The following ZSCAN4 variants were observed in gnomAD, a reference collection of about 807,000 sequenced individuals.
ZSCAN4 encodes zinc finger and SCAN domain-containing protein 4.
In ZSCAN4, 18 loss-of-function variants were observed where a neutral mutation model predicts 18.3. That is an observed-to-expected ratio of 0.98 (90% CI 0.68 to 1.46). ZSCAN4 has a LOEUF of 1.46. Among genes scored for constraint, ZSCAN4 ranks in the 40% most tolerant of loss-of-function variants. The pLI is 0.00. For synonymous variants in ZSCAN4, 193 were observed against 180.3 expected (o/e 1.07, Z -0.57); for missense variants, 498 against 511.4 (o/e 0.97, Z 0.25).
chr19:57,655,606 T>A, the ZSCAN4 span, among the ~76,000 whole-genome samples: 2 of 152,286 alleles, frequency 1.3e-5, no homozygotes, highest in South Asian at 2.1e-4. Flanking sequence ...CTACAGGAAC[T>A]CATGAGTCAT....
chr19:57,656,815 C>A, the ZSCAN4 span, among the ~76,000 whole-genome samples: 601 of 151,746 alleles, frequency 4.0e-3, 3 homozygotes, highest in African/African-American at 0.014. Context: ...TGGCAAAACA[C>A]TGTTTCTACA....
chr19:57,678,830 C>CA lies in ZSCAN4; in HGVS notation c.1228dup (p.Thr410AsnfsTer10). On this transcript the variant is annotated frameshift_variant, in exon 5 of 5. Transcript: ENST00000318203. LOFTEE classifies it low-confidence loss of function (END_TRUNC). Reference sequence around the variant, plus strand: ...GTAAGACAAGCTACCGCCAGTCATCCACATACCACCGCCATATGAGGACTC... The same window carrying CA: ...GTAAGACAAGCTACCGCCAGTCATCCAACATACCACCGCCATATGAGGACTC... The CA allele has an allele frequency of 6.2e-7, 1 of 1,614,026 alleles. No homozygotes were observed. Among genetic ancestry groups the CA allele is most frequent in the Non-Finnish European group, 8.5e-7 (1 of 1,179,958 alleles).
chr19:57,666,495 T>G (rs1375080214), upstream of ZSCAN4, among the ~76,000 whole-genome samples: 1 of 152,078 alleles, frequency 6.6e-6, no homozygotes, highest in Non-Finnish European at 1.5e-5. Flanking sequence ...ATGTTGTTCC[T>G]TTTTTGAAGT....
chr19:57,657,514 C>T, the ZSCAN4 span, among the ~76,000 whole-genome samples: 1 of 152,214 alleles, frequency 6.6e-6, no homozygotes, highest in East Asian at 1.9e-4. Context: ...AGCTCTCATA[C>T]ATTGCTGGTG....
the ZSCAN4 span, among the ~76,000 whole-genome samples, chr19:57,652,946 G>C: frequency 2.0e-5 from 3 of 152,090 alleles, no homozygotes; most frequent in East Asian, 5.8e-4. Context: ...CAGGGGACAT[G>C]TCTGGACAGC....
At chr19:57,670,872 T>TTTA (rs1443285012) in intron 2 of ZSCAN4, among the ~76,000 whole-genome samples, 20 of 151,638 alleles carry the variant, frequency 1.3e-4, no homozygotes, top group Non-Finnish European at 2.9e-4. Flanking sequence ...GTAATTCTTT[T>TTTA]TTTTTTTTCG....
the ZSCAN4 span, among the ~76,000 whole-genome samples, chr19:57,651,593 T>C: frequency 4.6e-5 from 7 of 152,328 alleles, no homozygotes; most frequent in Admixed American, 2.6e-4. Flanking sequence ...TCAATAAACC[T>C]GTGTTGCCAT....
At chr19:57,654,915 C>G in the ZSCAN4 span, among the ~76,000 whole-genome samples, 1 of 152,160 alleles carries the variant, frequency 6.6e-6, no homozygotes, top group Non-Finnish European at 1.5e-5. Context: ...GCTAAACTTC[C>G]CCTTGCTCCT....
At chr19:57,672,108 T>C (rs9749513) in intron 2 of ZSCAN4, among the ~76,000 whole-genome samples, 65,964 of 151,966 alleles carry the variant, frequency 0.43, 15,068 homozygotes, top group African/African-American at 0.58. Context: ...GATAATCTGA[T>C]TTGGGATTAG....
chr19:57,674,271 C>G (rs1984112161), intron 2 of ZSCAN4, among the ~76,000 whole-genome samples: 1 of 152,170 alleles, frequency 6.6e-6, no homozygotes, highest in South Asian at 2.1e-4. Flanking sequence ...GTACCTATTA[C>G]TTAAATAGTG....
chr19:57,667,625 G>A (rs569618491), upstream of ZSCAN4, among the ~76,000 whole-genome samples: 38 of 152,206 alleles, frequency 2.5e-4, 1 homozygote, highest in Middle Eastern at 3.4e-3. Flanking sequence ...TGATATCATC[G>A]TGCCTCAGGT....
the ZSCAN4 span, among the ~76,000 whole-genome samples, chr19:57,658,219 C>A: frequency 1.3e-5 from 2 of 152,166 alleles, no homozygotes; most frequent in East Asian, 1.9e-4. Context: ...GTGAAGGAAC[C>A]AAACTCAGAG....
chr19:57,678,701 G>A, exon 5 of ZSCAN4: 1 of 1,614,144 alleles, frequency 6.2e-7, no homozygotes. Flanking sequence ...CAGGAAAGAA[G>A]CCTTTCACAT....
At chr19:57,666,655 G>A (rs975957704), upstream of ZSCAN4, among the ~76,000 whole-genome samples, 6 of 151,528 alleles carry the variant, frequency 4.0e-5, no homozygotes, top group African/African-American at 1.5e-4. Flanking sequence ...AGGCTGAGGT[G>A]GGCGGATCAC....
chr19:57,658,512 A>C, the ZSCAN4 span, among the ~76,000 whole-genome samples: 1 of 152,182 alleles, frequency 6.6e-6, no homozygotes, highest in Non-Finnish European at 1.5e-5. Flanking sequence ...ATAATAATAC[A>C]CACCAAAAAT....
At chr19:57,657,544 T>C in the ZSCAN4 span, among the ~76,000 whole-genome samples, 1 of 152,120 alleles carries the variant, frequency 6.6e-6, no homozygotes, top group African/African-American at 2.4e-5. Context: ...AATAAATAAA[T>C]TTGGAAAACA....
intron 2 of ZSCAN4, 139 bp downstream of exon 2, chr19:57,670,706 T>G (rs1446481032): frequency 6.6e-6 from 1 of 152,230 alleles, no homozygotes; most frequent in East Asian, 1.9e-4. Context: ...GGAAAATTCC[T>G]AACTACAGAG....
chr19:57,673,901 G>A (rs1984100063), intron 2 of ZSCAN4, among the ~76,000 whole-genome samples: 1 of 152,112 alleles, frequency 6.6e-6, no homozygotes, highest in African/African-American at 2.4e-5. Context: ...TTACAGGCAT[G>A]CACCACCACA....
chr19:57,667,052 G>A (rs1038779061), upstream of ZSCAN4, among the ~76,000 whole-genome samples: 3 of 152,140 alleles, frequency 2.0e-5, no homozygotes, highest in Admixed American at 1.3e-4. Flanking sequence ...GGATGTAAAC[G>A]GGTCATCTAT....
Sources: allele counts gnomAD v4.1 joint callset (sites outside exome capture counted in the v4.1 genomes callset), GRCh38; gene constraint gnomAD v4.1.1; transcripts MANE v1.5; gene names NCBI Gene and HGNC (gene_info 2026-07-23, HGNC 2026-07-21).